Variants in ZYG11A observed in about 807,000 individuals in gnomAD.
ZYG11A encodes zyg-11 family member A, cell cycle regulator.
ZYG11A carries 62 observed loss-of-function variants against 77.2 expected under a neutral mutation model. The ratio of observed to expected loss-of-function variants is 0.80; its 90% CI spans 0.65 to 0.99. The LOEUF (loss-of-function observed/expected upper bound fraction) is 0.99. ZYG11A is among the 50% of genes least tolerant of loss of function. ZYG11A has a pLI of 0.00. For synonymous variants in ZYG11A, 315 were observed against 324.6 expected (o/e 0.97, Z 0.32); for missense variants, 828 against 896.8 (o/e 0.92, Z 0.98).
At chr1:52,864,613 G>GA (rs894223480) in intron 5 of ZYG11A, among the ~76,000 whole-genome samples, 3 of 151,976 alleles carry the variant, frequency 2.0e-5, no homozygotes, top group Admixed American at 6.6e-5. Flanking sequence ...GTTTGTTATA[G>GA]AAAAAATAGG....
chr1:52,881,516 G>A lies in ZYG11A; in HGVS notation c.1795G>A (p.Glu599Lys). Residue 599 changes from glutamate (E) to lysine (K), a missense_variant, in exon 11 of 14, where the codon GAA becomes AAA. Coordinates refer to ENST00000371528, the MANE Select transcript of ZYG11A (RefSeq NM_001004339.3). ...VRELSSKLVT[E>K]DVLKHINSLL... ...AGAGCTCTCTTCCAAGCTGGTGACC[G>A]AAGATGTGCTGAAGCATATCAACAG... 5 of 1,551,648 alleles carry A rather than the reference G, an allele frequency of 3.2e-6. No individual in the cohort carries two copies. Among genetic ancestry groups the A allele is most frequent in the Non-Finnish European group, 3.5e-6 (4 of 1,146,960 alleles).
At chr1:52,868,734 C>CT (rs1646078724) in intron 8 of ZYG11A, among the ~76,000 whole-genome samples, 2 of 152,242 alleles carry the variant, frequency 1.3e-5, no homozygotes, top group East Asian at 3.9e-4. Flanking sequence ...TTGCAGTGAG[C>CT]TAAGATCGCA....
At chr1:52,884,873 T>G (rs1646420383) in intron 11 of ZYG11A, among the ~76,000 whole-genome samples, 1 of 152,118 alleles carries the variant, frequency 6.6e-6, no homozygotes, top group Non-Finnish European at 1.5e-5. Flanking sequence ...TCCGAATCCT[T>G]TGAACCAGTC....
At chr1:52,855,098 A>G (rs1052500434) in intron 2 of ZYG11A, among the ~76,000 whole-genome samples, 1 of 151,414 alleles carries the variant, frequency 6.6e-6, no homozygotes, top group Non-Finnish European at 1.5e-5. Context: ...CTGAGTTCAG[A>G]TGATCCGTCT....
chr1:52,882,749 C>T (rs1646382847), intron 11 of ZYG11A, among the ~76,000 whole-genome samples: 2 of 152,130 alleles, frequency 1.3e-5, no homozygotes, highest in South Asian at 2.1e-4. Context: ...AACTCCCATG[C>T]AATTTTCTTT....
chr1:52,870,281 G>T (rs1311555842), intron 8 of ZYG11A, among the ~76,000 whole-genome samples: 3 of 148,820 alleles, frequency 2.0e-5, no homozygotes, highest in Admixed American at 6.7e-5. Context: ...AGGCAGAGGG[G>T]CTCCTCACAT....
intron 8 of ZYG11A, among the ~76,000 whole-genome samples, chr1:52,876,636 G>GGCCTTGCTCTCATTCATCTA (rs1553123973): frequency 6.6e-6 from 1 of 152,090 alleles, no homozygotes; most frequent in Non-Finnish European, 1.5e-5. Flanking sequence ...CCCTGCTCCT[G>GGCCTTGCTCTCATTCATCTA]GCCTTGCTCT....
At chr1:52,885,930 T>TTC (rs1646442088) in intron 12 of ZYG11A, 36 bp downstream of exon 12, 12 of 1,457,546 alleles carry the variant, frequency 8.2e-6, no homozygotes, top group Non-Finnish European at 1.1e-5. Context: ...TTCTTTTTTT[T>TTC]TTCTTCTTTT....
At chr1:52,866,461 T>G in intron 5 of ZYG11A, 42 bp from the exon 6 acceptor site, 1 of 1,100,920 alleles carries the variant, frequency 9.1e-7, no homozygotes, top group Non-Finnish European at 1.3e-6. Context: ...TAGAATGGAA[T>G]GTTACATTTG....
intron 5 of ZYG11A, among the ~76,000 whole-genome samples, chr1:52,865,546 C>T (rs957515047): frequency 7.2e-5 from 11 of 151,918 alleles, no homozygotes; most frequent in Non-Finnish European, 1.3e-4. Context: ...TTATTTATTG[C>T]CAAAAACTTG....
chr1:52,858,933 G>A (rs567595716), intron 3 of ZYG11A, among the ~76,000 whole-genome samples: 2 of 152,236 alleles, frequency 1.3e-5, no homozygotes, highest in South Asian at 2.1e-4. Flanking sequence ...TTGTTTTAAA[G>A]TAACTCTTTC....
intron 4 of ZYG11A, among the ~76,000 whole-genome samples, chr1:52,862,733 T>G (rs1193377362): frequency 6.6e-6 from 1 of 152,168 alleles, no homozygotes; most frequent in African/African-American, 2.4e-5. Flanking sequence ...GACCTTTTTT[T>G]CCATCTGTAA....
chr1:52,889,539 TC>T (rs1646505634), intron 13 of ZYG11A, among the ~76,000 whole-genome samples: 2 of 151,858 alleles, frequency 1.3e-5, no homozygotes, highest in Admixed American at 1.3e-4. Flanking sequence ...TGCATCAGCC[TC>T]CCAAAGTGCT....
chr1:52,854,595 T>C lies in ZYG11A; in HGVS notation c.221T>C (p.Val74Ala), dbSNP rs996193768. Reference sequence around the variant, plus strand: ...GAGCATTGGAGTTTCCCTCAGGAAGTAGCCGAGCGATTTCTCAGGGTGATG... The same window carrying C: ...GAGCATTGGAGTTTCCCTCAGGAAGCAGCCGAGCGATTTCTCAGGGTGATG... The part of the protein sequence containing the change: ...LPEHWSFPQE[V>A]AERFLRVMTW... Residue 74 changes from valine (V) to alanine (A), a missense_variant, in exon 2 of 14, where the codon GTA becomes GCA. Transcript: ENST00000371528. The C allele has an allele frequency of 1.3e-6, 2 of 1,547,328 alleles. No individual in the cohort carries two copies. Among genetic ancestry groups the C allele is most frequent in the Admixed American group, 2.0e-5 (1 of 50,860 alleles).
chr1:52,859,406 G>A (rs1200275342), intron 3 of ZYG11A, among the ~76,000 whole-genome samples: 1 of 151,962 alleles, frequency 6.6e-6, no homozygotes, highest in Non-Finnish European at 1.5e-5. Flanking sequence ...CACGATCTCT[G>A]CTCACTGCAA....
At chr1:52,874,247 A>G (rs1169031956) in intron 8 of ZYG11A, among the ~76,000 whole-genome samples, 1 of 151,556 alleles carries the variant, frequency 6.6e-6, no homozygotes, top group Non-Finnish European at 1.5e-5. Flanking sequence ...CTCTATATAT[A>G]TATACATATT....
chr1:52,853,691 C>G (rs951993994), intron 1 of ZYG11A, among the ~76,000 whole-genome samples: 3 of 152,078 alleles, frequency 2.0e-5, no homozygotes, highest in Non-Finnish European at 4.4e-5. Flanking sequence ...GGGAGGATCT[C>G]TTGATACCAT....
chr1:52,865,124 T>C (rs538347845), intron 5 of ZYG11A, among the ~76,000 whole-genome samples: 169 of 152,032 alleles, frequency 1.1e-3, no homozygotes, highest in African/African-American at 3.8e-3. Flanking sequence ...GTATTTTTAG[T>C]ATAGATGTGG....
rs533132008 is a variant in ZYG11A at position 52,863,990 on chromosome 1, A to C, written c.1159A>C (p.Ile387Leu). ...ACAAGTTCATCTTCAGCTTGTGGCT[A>C]TAGGAATGAGGAATCACCCATTGGA... ...TMPAILKLVA[I>L]GMRNHPLDLR... is the part of the protein sequence containing the mutation. Residue 387 changes from isoleucine to leucine, a missense_variant, in exon 5 of 14, where the codon ATA becomes CTA. Physicochemically the swap from Ile to Leu is conservative, Grantham distance 5. Coordinates refer to ENST00000371528, the MANE Select transcript of ZYG11A (RefSeq NM_001004339.3). 6.5e-7 allele frequency: 1 copy of C among 1,550,308 alleles called. No homozygotes were observed. The highest frequency in any genetic ancestry group is 8.7e-7 in the Non-Finnish European group (1 of 1,146,440).
Sources: allele counts gnomAD v4.1 joint callset (sites outside exome capture counted in the v4.1 genomes callset), GRCh38; gene constraint gnomAD v4.1.1; transcripts MANE v1.5; gene names NCBI Gene and HGNC (gene_info 2026-07-23, HGNC 2026-07-21).